The following NRG1 variants were observed in gnomAD, a reference collection of about 807,000 sequenced individuals.
NRG1 encodes pro-neuregulin-1, membrane-bound isoform.
A neutral mutation model predicts 63.8 loss-of-function variants in NRG1; 18 were observed. The ratio of observed to expected loss-of-function variants is 0.28; its 90% CI spans 0.19 to 0.42. NRG1 has a LOEUF of 0.42. Ranked by LOEUF, NRG1 falls within the 10% of genes least tolerant of loss-of-function variation. The pLI, the probability that NRG1 is intolerant of heterozygous loss-of-function variation, is 1.00. For missense variants in NRG1, 762 were observed against 814.7 expected (o/e 0.94, Z 0.79); for synonymous variants, 302 against 301.3 (o/e 1.00, Z -0.02).
chr8:31,884,440 T>C (rs887626180), intron 1 of NRG1, among the ~76,000 whole-genome samples: 4 of 152,138 alleles, frequency 2.6e-5, no homozygotes, highest in African/African-American at 9.7e-5. Flanking sequence ...CCATGCAGCC[T>C]GATCTCAGAG....
chr8:31,845,431 G>A (rs530366041), intron 1 of NRG1, among the ~76,000 whole-genome samples: 1 of 152,086 alleles, frequency 6.6e-6, no homozygotes, highest in Non-Finnish European at 1.5e-5. Context: ...TATTATTACA[G>A]TTCTTTTTTT....
chr8:32,296,007 C>T (rs1407878278), intron 1 of NRG1, among the ~76,000 whole-genome samples: 3 of 151,236 alleles, frequency 2.0e-5, no homozygotes, highest in African/African-American at 4.9e-5. Context: ...ATCTCTTAGC[C>T]ATTTTCCACT....
At chr8:31,909,669 C>T (rs1038865548) in intron 1 of NRG1, among the ~76,000 whole-genome samples, 1 of 152,138 alleles carries the variant, frequency 6.6e-6, no homozygotes, top group African/African-American at 2.4e-5. Flanking sequence ...GAGGGTGTGG[C>T]TGTTTCTATA....
chr8:32,755,327 G>A (rs890793388), intron 8 of NRG1, among the ~76,000 whole-genome samples: 12 of 152,128 alleles, frequency 7.9e-5, no homozygotes, highest in South Asian at 4.2e-4. Flanking sequence ...GTTGCTGCAC[G>A]ATACTCTGTT....
intron 1 of NRG1, among the ~76,000 whole-genome samples, chr8:31,802,092 C>T (rs779535426): frequency 3.3e-5 from 5 of 152,170 alleles, no homozygotes; most frequent in Non-Finnish European, 7.3e-5. Context: ...AGCTTAAATG[C>T]CAACAGAAAT....
At chr8:31,762,012 T>A (rs535587810) in intron 1 of NRG1, among the ~76,000 whole-genome samples, 1 of 152,360 alleles carries the variant, frequency 6.6e-6, no homozygotes, top group African/African-American at 2.4e-5. Context: ...TTAACGTCTT[T>A]GACAATTTTT....
At chr8:32,321,510 GT>G (rs540239875) in intron 1 of NRG1, among the ~76,000 whole-genome samples, 20,356 of 143,438 alleles carry the variant, frequency 0.14, 1,474 homozygotes, top group African/African-American at 0.16. Context: ...ACAGCAGTGG[GT>G]TTTTTTTTTT....
chr8:32,174,607 A>T (rs758106752), intron 1 of NRG1, among the ~76,000 whole-genome samples: 2 of 152,084 alleles, frequency 1.3e-5, no homozygotes, highest in African/African-American at 2.4e-5. Context: ...AAAGAAGAAA[A>T]GAGAAGAATC....
chr8:32,144,214 C>CAT (rs1836615248), intron 1 of NRG1, among the ~76,000 whole-genome samples: 1 of 151,936 alleles, frequency 6.6e-6, no homozygotes. Flanking sequence ...AGTCATAAAG[C>CAT]AAAGGACAGT....
chr8:32,398,529 G>T (rs1213189484), intron 1 of NRG1, among the ~76,000 whole-genome samples: 3 of 151,908 alleles, frequency 2.0e-5, no homozygotes, highest in African/African-American at 7.2e-5. Flanking sequence ...TCCTGCCTCA[G>T]CCTCCCGAGT....
At chr8:31,772,128 A>C (rs1818683408) in intron 1 of NRG1, among the ~76,000 whole-genome samples, 1 of 152,198 alleles carries the variant, frequency 6.6e-6, no homozygotes, top group Non-Finnish European at 1.5e-5. Context: ...CACACAATTG[A>C]CTAACTGTGT....
At chr8:32,240,971 A>G (rs950342896) in intron 1 of NRG1, among the ~76,000 whole-genome samples, 1 of 152,164 alleles carries the variant, frequency 6.6e-6, no homozygotes, top group African/African-American at 2.4e-5. Context: ...AGGAGAGTAC[A>G]TACCCTTTTT....
chr8:31,759,606 G>A (rs1817326433), intron 1 of NRG1, among the ~76,000 whole-genome samples: 1 of 152,078 alleles, frequency 6.6e-6, no homozygotes, highest in Admixed American at 6.6e-5. Flanking sequence ...CTGTATGCCA[G>A]TACCATACTC....
At chr8:32,545,649 C>T (rs965519336), upstream of NRG1, among the ~76,000 whole-genome samples, 4 of 151,464 alleles carry the variant, frequency 2.6e-5, no homozygotes, top group Admixed American at 1.3e-4. Context: ...TTTAACTGTC[C>T]AAGAAATGGA....
chr8:32,187,308 G>A (rs1052230803), intron 1 of NRG1, among the ~76,000 whole-genome samples: 9 of 152,122 alleles, frequency 5.9e-5, no homozygotes, highest in South Asian at 2.1e-4. Flanking sequence ...TTTCCATGGC[G>A]TAGTTCTTTG....
intron 5 of NRG1, among the ~76,000 whole-genome samples, chr8:32,663,959 GTC>G (rs1338219425): frequency 3.3e-5 from 5 of 152,226 alleles, no homozygotes; most frequent in African/African-American, 1.2e-4. Context: ...TTCCTCCTTA[GTC>G]TCTATTCCAG....
intron 1 of NRG1, among the ~76,000 whole-genome samples, chr8:31,692,336 T>G (rs1346253456): frequency 1.3e-5 from 2 of 152,244 alleles, no homozygotes; most frequent in African/African-American, 4.8e-5. Context: ...ACTTTCAACT[T>G]TCACTGTGGT....
intron 1 of NRG1, among the ~76,000 whole-genome samples, chr8:32,364,115 T>A (rs561473643): frequency 8.2e-6 from 1 of 121,294 alleles, no homozygotes; most frequent in Admixed American, 9.4e-5. Flanking sequence ...TGTTTCAAAA[T>A]GTCATTATGA....
At chr8:32,536,530 T>C (rs557036744) in intron 1 of NRG1, among the ~76,000 whole-genome samples, 1 of 152,246 alleles carries the variant, frequency 6.6e-6, no homozygotes, top group East Asian at 1.9e-4. Flanking sequence ...TCAAGAGTGG[T>C]ATCCCATCAT....
Sources: gnomAD v4.1 joint callset for allele counts (sites outside exome capture counted in the v4.1 genomes callset) on GRCh38, gnomAD v4.1.1 for gene constraint, MANE v1.5 for transcripts, NCBI Gene and HGNC (gene_info 2026-07-23, HGNC 2026-07-21) for gene names.